Variants in ZNF148 observed in about 807,000 individuals in gnomAD.
The protein encoded by ZNF148 is zinc finger protein 148, also known as Beta-Enolase Repressor Factor-1.
A neutral mutation model predicts 67.7 loss-of-function variants in ZNF148; 7 were observed. That is an observed-to-expected ratio of 0.10 (90% CI 0.06 to 0.19). The LOEUF (loss-of-function observed/expected upper bound fraction) is 0.19, where lower values mean the gene tolerates loss of function less well. Among genes scored for constraint, ZNF148 ranks in the 10% least tolerant of loss-of-function variants. The pLI is 1.00. For synonymous variants in ZNF148, 333 were observed against 330.7 expected, an observed-to-expected ratio of 1.01 and a Z score of -0.08; for missense variants, 583 against 947.1, an observed-to-expected ratio of 0.62 and a Z score of 5.05.
intron 1 of ZNF148, among the ~76,000 whole-genome samples, chr3:125,364,336 T>C (rs543610492): frequency 1.3e-5 from 2 of 151,186 alleles, no homozygotes; most frequent in Admixed American, 1.3e-4. Flanking sequence ...AAGGCGGAGG[T>C]TGCAGTGAGC....
chr3:125,300,564 A>G (rs1023299069), intron 4 of ZNF148, among the ~76,000 whole-genome samples: 2 of 152,252 alleles, frequency 1.3e-5, no homozygotes, highest in African/African-American at 4.8e-5. Flanking sequence ...AAAATGCGTA[A>G]CAGTATGCCT....
intron 1 of ZNF148, among the ~76,000 whole-genome samples, chr3:125,352,135 AAAAC>A (rs1434866991): frequency 3.9e-5 from 6 of 152,170 alleles, no homozygotes; most frequent in African/African-American, 1.2e-4. Flanking sequence ...CAAAAAAAAA[AAAAC>A]AAAGTGGAAA....
chr3:125,281,991 T>C (rs1938414838), intron 5 of ZNF148, among the ~76,000 whole-genome samples: 1 of 152,192 alleles, frequency 6.6e-6, no homozygotes, highest in Non-Finnish European at 1.5e-5. Context: ...TGGAGCATAG[T>C]GGAGACTCTA....
chr3:125,326,815 GAT>G (rs1394861065), intron 2 of ZNF148, among the ~76,000 whole-genome samples: 3 of 144,862 alleles, frequency 2.1e-5, no homozygotes, highest in East Asian at 2.0e-4. Flanking sequence ...TATATGTAAA[GAT>G]ATATATCTTT....
At chr3:125,236,049 T>A (rs1169771113) in intron 7 of ZNF148, among the ~76,000 whole-genome samples, 1 of 151,370 alleles carries the variant, frequency 6.6e-6, no homozygotes, top group South Asian at 2.1e-4. Context: ...TGTATACATA[T>A]GTAACAAACC....
At chr3:125,334,780 C>A (rs1015132476) in intron 1 of ZNF148, among the ~76,000 whole-genome samples, 7 of 152,044 alleles carry the variant, frequency 4.6e-5, no homozygotes. Flanking sequence ...GCTTATCCCC[C>A]ACCCATCAAC....
chr3:125,286,632 A>T lies in ZNF148; in HGVS notation c.459+1471T>A, dbSNP rs576087846. Among the ~76,000 whole-genome samples, 176 of 152,334 alleles carry T rather than the reference A, an allele frequency of 1.2e-3. 4 individuals are homozygous for T. In the South Asian group the frequency reaches 0.033, roughly 29 times the overall value. On this transcript the variant is annotated intron_variant, in intron 5 of 8. Transcript: ENST00000360647. Reference sequence around the variant, plus strand: ...TCAAACAACATAATAATGTCCAATAAAACAACCATTAAATATAACATGATC... The same window carrying T: ...TCAAACAACATAATAATGTCCAATATAACAACCATTAAATATAACATGATC...
intron 5 of ZNF148, 147 bp downstream of exon 5, chr3:125,287,956 C>T: frequency 3.7e-6 from 4 of 1,080,456 alleles, no homozygotes; most frequent in East Asian, 2.4e-5. Context: ...GCAAGGCCCA[C>T]CACCTCCATG....
chr3:125,233,060 G>T lies in ZNF148; in HGVS notation c.1666C>A (p.His556Asn), dbSNP rs370249547. 16 of 1,613,414 alleles carry T rather than the reference G, an allele frequency of 9.9e-6. No homozygotes were observed. The South Asian group carries it at 1.8e-4, about 18-fold the overall frequency. ...TCTGCAACACTGAAGGATATCTCAT[G>T]CTGTCCATTAGCTTTGTGGGAATAA... The part of the protein sequence containing the change: ...DHYSHKANGQ[H>N]EISFSVADTE... Residue 556 changes from histidine to asparagine, a missense_variant, in exon 9 of 9, where the codon CAT (histidine) becomes AAT (asparagine). His to Asn is a moderately conservative substitution (Grantham distance 68, BLOSUM62 1). Around this residue, in one of 5 missense-constraint regions of ZNF148, gnomAD observed 172 missense variants for 307.7 expected, o/e 0.56. Coordinates refer to ENST00000360647, the MANE Select transcript of ZNF148 (RefSeq NM_021964.3). The surrounding 1 kb of genome is among the most constrained non-coding windows in gnomAD (Gnocchi z 5.1).
At chr3:125,293,044 A>G (rs1199079942) in intron 4 of ZNF148, among the ~76,000 whole-genome samples, 1 of 152,182 alleles carries the variant, frequency 6.6e-6, no homozygotes, top group East Asian at 1.9e-4. Flanking sequence ...TTATTTACAA[A>G]TGTTACATGC....
intron 1 of ZNF148, among the ~76,000 whole-genome samples, chr3:125,340,153 A>G (rs970497957): frequency 6.6e-6 from 1 of 152,222 alleles, no homozygotes; most frequent in African/African-American, 2.4e-5. Flanking sequence ...CACCCAACAG[A>G]AGAAGACAAT....
chr3:125,362,460 G>A (rs560799633), intron 1 of ZNF148, among the ~76,000 whole-genome samples: 4 of 151,878 alleles, frequency 2.6e-5, no homozygotes, highest in African/African-American at 9.7e-5. Flanking sequence ...TCTCTGAACT[G>A]CTCTCTTGAA....
intron 4 of ZNF148, among the ~76,000 whole-genome samples, chr3:125,300,934 A>G (rs538817622): frequency 6.9e-6 from 1 of 145,786 alleles, no homozygotes; most frequent in South Asian, 2.2e-4. Flanking sequence ...TGGGTCTGAT[A>G]AGTGTAAAAT....
At chr3:125,295,155 A>G in intron 4 of ZNF148, among the ~76,000 whole-genome samples, 1 of 151,440 alleles carries the variant, frequency 6.6e-6, no homozygotes, top group Non-Finnish European at 1.5e-5. Context: ...AAAGGAAAAT[A>G]AAATGTTAAA....
intron 1 of ZNF148, among the ~76,000 whole-genome samples, chr3:125,353,313 T>C (rs1181917486): frequency 1.3e-5 from 2 of 151,944 alleles, no homozygotes; most frequent in Non-Finnish European, 1.5e-5. Context: ...CATAAAGGGA[T>C]AGCAAGAGGA....
chr3:125,328,998 G>GATATATATATATATAT (rs10565589), intron 2 of ZNF148, among the ~76,000 whole-genome samples: 6 of 147,474 alleles, frequency 4.1e-5, no homozygotes, highest in African/African-American at 9.9e-5. Context: ...TTATACTACT[G>GATATATATATATATAT]ATATATATAT....
chr3:125,366,381 T>C (rs577877487), intron 1 of ZNF148, among the ~76,000 whole-genome samples: 38 of 152,208 alleles, frequency 2.5e-4, no homozygotes, highest in Non-Finnish European at 4.4e-4. Flanking sequence ...AGGCCATCCA[T>C]TTTCAACCCA....
chr3:125,333,808 C>A (rs1303092902), intron 1 of ZNF148, among the ~76,000 whole-genome samples: 1 of 152,110 alleles, frequency 6.6e-6, no homozygotes, highest in African/African-American at 2.4e-5. Flanking sequence ...AGGTTATGTC[C>A]CAATAGGTCA....
intron 1 of ZNF148, chr3:125,357,751 C>G (rs909266818): frequency 6.6e-6 from 1 of 152,250 alleles, no homozygotes; most frequent in African/African-American, 2.4e-5. Context: ...CAAACCAAGG[C>G]CTGTTTAAGC....
Sources: allele counts gnomAD v4.1 joint callset (sites outside exome capture counted in the v4.1 genomes callset), GRCh38; gene constraint gnomAD v4.1.1; regional missense constraint gnomAD v4.1.1; non-coding constraint Gnocchi (gnomAD v3.1); transcripts MANE v1.5; gene names NCBI Gene and HGNC (gene_info 2026-07-23, HGNC 2026-07-21).